RORB: variants seen among roughly 807,000 people sequenced by gnomAD.
RORB encodes the protein nuclear receptor ROR-beta.
A neutral mutation model predicts 59.1 loss-of-function variants in RORB; 6 were observed. The observed-to-expected ratio is 0.10, with a 90% CI of 0.06 to 0.20. The LOEUF (loss-of-function observed/expected upper bound fraction) is 0.20. Among genes scored for constraint, RORB ranks in the 10% least tolerant of loss-of-function variants. The pLI is 1.00. For synonymous variants in RORB, 215 were observed against 204.5 expected (o/e 1.05, Z -0.44); for missense variants, 320 against 560.5 (o/e 0.57, Z 4.33).
chr9:74,632,881 T>G (rs1271445931), intron 2 of RORB, among the ~76,000 whole-genome samples: 1 of 152,170 alleles, frequency 6.6e-6, no homozygotes, highest in African/African-American at 2.4e-5. Context: ...TTGATCTCCA[T>G]TCTAAGATGC....
intron 1 of RORB, among the ~76,000 whole-genome samples, chr9:74,516,395 A>G (rs1380491382): frequency 6.6e-6 from 1 of 152,032 alleles, no homozygotes; most frequent in Non-Finnish European, 1.5e-5. Flanking sequence ...ATGTATAATT[A>G]CCCCAGTACA....
intron 3 of RORB, among the ~76,000 whole-genome samples, chr9:74,639,388 G>A (rs770168850): frequency 2.7e-4 from 41 of 152,136 alleles, no homozygotes; most frequent in Non-Finnish European, 3.7e-4. Flanking sequence ...ACATGGGGAA[G>A]GGCATGGAAA....
In RORB at chr9:74,677,708, T is replaced by C. The variant is rs185884325; in HGVS notation, c.1224+5807T>C. Among the ~76,000 whole-genome samples the C allele has an allele frequency of 3.1e-3, 474 of 152,324 alleles. 6 individuals carry two copies. Among genetic ancestry groups the C allele is most frequent in the Non-Finnish European group, 2.6e-3 (179 of 68,024 alleles). On this transcript the variant is annotated intron_variant, in intron 9 of 9. Transcript: ENST00000376896. ...CTTATCCAGGTGAGGAACCTGAGCA[T>C]TACCTTCAGCTTTCAGGTGAGACAC...
chr9:74,546,396 G>A (rs1826491068), intron 1 of RORB, among the ~76,000 whole-genome samples: 1 of 152,046 alleles, frequency 6.6e-6, no homozygotes, highest in African/African-American at 2.4e-5. Context: ...TGGCTTTAAG[G>A]GGCAGAAAGA....
chr9:74,601,917 A>G (rs905022693), intron 1 of RORB, among the ~76,000 whole-genome samples: 7 of 152,206 alleles, frequency 4.6e-5, no homozygotes, highest in Admixed American at 2.6e-4. Flanking sequence ...TAATTTTGAC[A>G]TTGGCTACAG....
chr9:74,652,683 G>C (rs1413364325), intron 4 of RORB, among the ~76,000 whole-genome samples: 1 of 152,112 alleles, frequency 6.6e-6, no homozygotes, highest in Non-Finnish European at 1.5e-5. Flanking sequence ...TCTGCATGAA[G>C]TAAAAATCAG....
At chr9:74,559,295 G>A (rs1228738285) in intron 1 of RORB, among the ~76,000 whole-genome samples, 2 of 152,020 alleles carry the variant, frequency 1.3e-5, no homozygotes, top group South Asian at 2.1e-4. Context: ...CTAAAACCCC[G>A]GAAGAGGTAG....
chr9:74,641,125 G>A (rs893918152), intron 3 of RORB, among the ~76,000 whole-genome samples: 36 of 152,174 alleles, frequency 2.4e-4, no homozygotes, highest in African/African-American at 8.7e-4. Flanking sequence ...ACTCAGGGAG[G>A]AGCCTCCAAG....
intron 8 of RORB, among the ~76,000 whole-genome samples, chr9:74,669,227 C>T (rs1410677271): frequency 1.3e-5 from 2 of 152,042 alleles, no homozygotes; most frequent in South Asian, 4.1e-4. Flanking sequence ...GCCTGTAATC[C>T]CAACACTTCG....
At chr9:74,658,244 T>C (rs1428528269) in intron 4 of RORB, among the ~76,000 whole-genome samples, 1 of 152,060 alleles carries the variant, frequency 6.6e-6, no homozygotes, top group Non-Finnish European at 1.5e-5. Context: ...AAGGGCTCAA[T>C]TGAGGCAGAA....
chr9:74,661,338 A>G (rs780961613), intron 5 of RORB, among the ~76,000 whole-genome samples: 13 of 152,204 alleles, frequency 8.5e-5, no homozygotes, highest in Non-Finnish European at 1.3e-4. Flanking sequence ...CCCAATTACA[A>G]AATCCACCAG....
At chr9:74,535,606 T>G (rs921576681) in intron 1 of RORB, among the ~76,000 whole-genome samples, 1 of 152,022 alleles carries the variant, frequency 6.6e-6, no homozygotes, top group Non-Finnish European at 1.5e-5. Context: ...TTTTGATATT[T>G]GATATTTGCA....
chr9:74,624,917 C>T (rs1823484931), intron 1 of RORB, among the ~76,000 whole-genome samples: 1 of 151,952 alleles, frequency 6.6e-6, no homozygotes, highest in South Asian at 2.1e-4. Flanking sequence ...CATAACTGTA[C>T]AATTATGGGA....
At chr9:74,606,504 G>A (rs996914213) in intron 1 of RORB, among the ~76,000 whole-genome samples, 10 of 152,184 alleles carry the variant, frequency 6.6e-5, no homozygotes, top group African/African-American at 2.2e-4. Flanking sequence ...GAAAAGAACC[G>A]TGCACAGTTC....
At position 74,590,794 on chromosome 9, in the gene RORB, GTTTTA is replaced by G. The variant is rs931704678; in HGVS notation, c.8-39483_8-39479del. 1.4e-4 allele frequency among the ~76,000 whole-genome samples: 21 copies of G among 151,956 alleles called. 1 individual carries two copies. Among genetic ancestry groups the G allele is most frequent in the African/African-American group, 5.1e-4 (21 of 41,364 alleles). ...TTTTTGTTTTGTTTTGTTTTGTTTT[GTTTTA>G]TTTTGTTTTTGAGACAGAGTCTCGT... On this transcript the variant is annotated intron_variant, in intron 1 of 9. Transcript: ENST00000376896.
chr9:74,527,546 T>A (rs915332599), intron 1 of RORB, among the ~76,000 whole-genome samples: 2 of 152,012 alleles, frequency 1.3e-5, no homozygotes, highest in Non-Finnish European at 2.9e-5. Flanking sequence ...TGCAGGGAAT[T>A]TTTTTTATAT....
chr9:74,666,308 A>T (rs1425173942), intron 7 of RORB, among the ~76,000 whole-genome samples: 1 of 151,802 alleles, frequency 6.6e-6, no homozygotes, highest in African/African-American at 2.4e-5. Flanking sequence ...ATAAATAAAT[A>T]AAATTAGCTG....
At chr9:74,622,368 C>T (rs1020508034) in intron 1 of RORB, among the ~76,000 whole-genome samples, 2 of 151,974 alleles carry the variant, frequency 1.3e-5, no homozygotes, top group Middle Eastern at 3.4e-3. Context: ...ATATAGAGAG[C>T]GAGAAATAAA....
At chr9:74,500,313 A>G (rs1331435831) in intron 1 of RORB, among the ~76,000 whole-genome samples, 1 of 152,096 alleles carries the variant, frequency 6.6e-6, no homozygotes, top group Non-Finnish European at 1.5e-5. Context: ...TTTTCCCCGG[A>G]CAGTGCCCTA....
Sources: allele counts gnomAD v4.1 joint callset (sites outside exome capture counted in the v4.1 genomes callset), GRCh38; gene constraint gnomAD v4.1.1; transcripts MANE v1.5; gene names NCBI Gene and HGNC (gene_info 2026-07-23, HGNC 2026-07-21).